CEACAM19: variants seen among roughly 807,000 people sequenced by gnomAD.
The protein encoded by CEACAM19 is CEA cell adhesion molecule 19, also known as cell adhesion molecule CEACAM19.
A neutral mutation model predicts 37.6 loss-of-function variants in CEACAM19; 37 were observed. The ratio of observed to expected loss-of-function variants is 0.98; its 90% CI spans 0.76 to 1.29. CEACAM19 has a LOEUF of 1.29. CEACAM19 is among the 50% of genes most tolerant of loss of function. CEACAM19 has a pLI of 0.00. For synonymous variants in CEACAM19, 140 were observed against 149.8 expected (o/e 0.93, Z 0.48); for missense variants, 340 against 375.6 (o/e 0.91, Z 0.78).
chr19:44,668,716 A>ATATT (rs1458092892), upstream of CEACAM19, among the ~76,000 whole-genome samples: 1 of 69,702 alleles, frequency 1.4e-5, no homozygotes, highest in Non-Finnish European at 2.6e-5. Context: ...TATATATTAT[A>ATATT]ATATGTATAT....
chr19:44,683,460 C>A lies in CEACAM19; in HGVS notation c.870C>A (p.Ala290=). 1 of 1,566,006 alleles carries A rather than the reference C, an allele frequency of 6.4e-7. No homozygotes were observed. The highest frequency in any genetic ancestry group is 8.7e-7 in the Non-Finnish European group (1 of 1,153,364). ...QYQDLLNPDP[A]PYCQLVPTS ...AGGACCTGCTAAACCCCGACCCTGC[C>A]CCCTACTGCCAGCTGGTGCCAACTT... The change falls in exon 8 of 8, where the codon GCC becomes GCA. Residue 290 remains alanine, a synonymous_variant. Coordinates refer to ENST00000358777, the MANE Select transcript of CEACAM19 (RefSeq NM_001127893.3).
chr19:44,683,761 C>A lies in CEACAM19; in HGVS notation c.*271C>A. 1 of 372,758 alleles carries A rather than the reference C, an allele frequency of 2.7e-6. No individual in the cohort carries two copies. The highest frequency in any genetic ancestry group is 4.8e-6 in the Non-Finnish European group (1 of 209,342). 23.1% of individuals were successfully genotyped at this position (372,758 alleles called of 1,614,324 possible). On this transcript the variant is annotated 3_prime_UTR_variant, in exon 8 of 8. Transcript: ENST00000358777. ...GCCTGGGCCATGTGCCTGTGAAAGGCAGGCTCTGGCCCCTTTCCATGCCAA... is the reference window on the plus strand; with the variant it reads ...GCCTGGGCCATGTGCCTGTGAAAGGAAGGCTCTGGCCCCTTTCCATGCCAA...
At chr19:44,683,325 C>T (rs1410918998) in intron 7 of CEACAM19, 112 bp from the exon 8 acceptor site, 1 of 519,268 alleles carries the variant, frequency 1.9e-6, no homozygotes, top group African/African-American at 2.0e-5. Context: ...TCCATTCTCT[C>T]TGCGGGTTTC....
chr19:44,668,782 A>T (rs1218915366), upstream of CEACAM19, among the ~76,000 whole-genome samples: 1 of 113,092 alleles, frequency 8.8e-6, no homozygotes, highest in Non-Finnish European at 1.6e-5. Flanking sequence ...ATATATAATT[A>T]TATATAATAT....
chr19:44,672,743 G>A lies in CEACAM19; in HGVS notation c.203G>A (p.Gly68Glu). 6.3e-7 allele frequency: 1 copy of A among 1,584,328 alleles called. No individual in the cohort carries two copies. Among genetic ancestry groups the A allele is most frequent in the Non-Finnish European group, 8.6e-7 (1 of 1,163,752 alleles). Residue 68 changes from glycine to glutamate, a missense_variant, in exon 2 of 8, where the codon GGG becomes GAG. Gly to Glu is a moderately conservative substitution (Grantham distance 98). Coordinates refer to ENST00000358777, the MANE Select transcript of CEACAM19 (RefSeq NM_001127893.3). ...TTCCAGGACTTCAACTGGTACCTGG[G>A]GGAGGAGACGTACGGAGGCACGAGG... ...DTFQDFNWYL[G>E]EETYGGTRLF...
At chr19:44,674,239 C>CAA (rs1196127410) in intron 2 of CEACAM19, among the ~76,000 whole-genome samples, 1 of 127,358 alleles carries the variant, frequency 7.9e-6, no homozygotes, top group African/African-American at 2.9e-5. Context: ...GACTCCATCT[C>CAA]AAAAAAAAAA....
upstream of CEACAM19, among the ~76,000 whole-genome samples, chr19:44,667,767 ATT>A (rs1426988283): frequency 1.4e-5 from 1 of 73,858 alleles, no homozygotes; most frequent in African/African-American, 5.7e-5. Context: ...AATTATATAT[ATT>A]TATATATAAT....
chr19:44,673,110 C>G (rs1292052611), intron 2 of CEACAM19, 146 bp downstream of exon 2: 1 of 573,336 alleles, frequency 1.7e-6, no homozygotes, highest in African/African-American at 1.9e-5. Flanking sequence ...GTACCAATCC[C>G]CAGAGATAGT....
intron 1 of CEACAM19, 54 bp downstream of exon 1, chr19:44,672,040 G>A: frequency 7.0e-7 from 1 of 1,436,862 alleles, no homozygotes; most frequent in South Asian, 1.2e-5. Context: ...ACTCAGCCCA[G>A]AGATTGAAGT....
At chr19:44,669,351 T>G (rs1206308266), upstream of CEACAM19, among the ~76,000 whole-genome samples, 2 of 152,066 alleles carry the variant, frequency 1.3e-5, no homozygotes, top group Non-Finnish European at 2.9e-5. Context: ...CTCCAATTCC[T>G]AGGCTCAAGC....
At chr19:44,680,507 C>A (rs1001462230) in intron 5 of CEACAM19, among the ~76,000 whole-genome samples, 173 bp downstream of exon 5, 6 of 151,834 alleles carry the variant, frequency 4.0e-5, no homozygotes, top group African/African-American at 1.5e-4. Context: ...GCATCGGCAC[C>A]CACCCCAAAC....
upstream of CEACAM19, among the ~76,000 whole-genome samples, chr19:44,668,624 AATT>A (rs1356654725): frequency 5.8e-5 from 5 of 86,264 alleles, no homozygotes; most frequent in Non-Finnish European, 6.0e-5. Flanking sequence ...ATAATTATAT[AATT>A]ATATACACAT....
rs371771564 is a variant in CEACAM19 at position 44,680,267 on chromosome 19, A to G, written c.660-21A>G. 6.6e-5 allele frequency: 106 copies of G among 1,601,374 alleles called. No homozygotes were observed. In the African/African-American group the frequency reaches 1.3e-3, roughly 20 times the overall value. ...TGAGTGTCTCTCTATCCTAATATCA[A>G]TTCCCTCTATGTGTCCCCAGGATGG... On this transcript the variant is annotated intron_variant, in intron 4 of 7. Coordinates refer to ENST00000358777, the MANE Select transcript of CEACAM19 (RefSeq NM_001127893.3).
At chr19:44,669,229 C>T (rs1223938268), upstream of CEACAM19, among the ~76,000 whole-genome samples, 1 of 152,104 alleles carries the variant, frequency 6.6e-6, no homozygotes, top group East Asian at 1.9e-4. Flanking sequence ...AACAATCCTC[C>T]TGCCTCAGCC....
In CEACAM19 at chr19:44,683,759, G is replaced by T; in HGVS notation, c.*269G>T. On this transcript the variant is annotated 3_prime_UTR_variant, in exon 8 of 8. Coordinates refer to ENST00000358777, the MANE Select transcript of CEACAM19 (RefSeq NM_001127893.3). ...TGGCCTGGGCCATGTGCCTGTGAAA[G>T]GCAGGCTCTGGCCCCTTTCCATGCC... 1 of 373,416 alleles carries T rather than the reference G, an allele frequency of 2.7e-6. No homozygotes were observed. The highest frequency in any genetic ancestry group is 6.9e-4 in the Middle Eastern group (1 of 1,452). The allele number at this position is 373,416 out of a possible 1,614,324, so 23.1% of individuals were successfully genotyped here. A position where few individuals can be genotyped will look rare whatever the true frequency, so the allele number is the denominator to read the frequency against.
intron 5 of CEACAM19, 117 bp downstream of exon 5, chr19:44,680,451 C>T (rs1974036335): frequency 2.1e-6 from 2 of 949,032 alleles, no homozygotes; most frequent in East Asian, 4.9e-5. Flanking sequence ...TGCACCTGCC[C>T]CGAGACCTCT....
At chr19:44,679,777 A>C (rs993263275) in intron 4 of CEACAM19, among the ~76,000 whole-genome samples, 1 of 148,730 alleles carries the variant, frequency 6.7e-6, no homozygotes, top group Non-Finnish European at 1.5e-5. Flanking sequence ...AAAATAAAAT[A>C]AAATAAGCCG....
intron 6 of CEACAM19, 46 bp from the exon 7 acceptor site, chr19:44,682,521 G>C: frequency 6.5e-7 from 1 of 1,548,010 alleles, no homozygotes; most frequent in Admixed American, 1.9e-5. Flanking sequence ...AAGTTTAGAG[G>C]GTGGGGGGTG....
At chr19:44,670,827 G>A (rs1973844067), upstream of CEACAM19, among the ~76,000 whole-genome samples, 1 of 148,164 alleles carries the variant, frequency 6.7e-6, no homozygotes, top group Non-Finnish European at 1.5e-5. Flanking sequence ...TGAGCGCGGT[G>A]GCTCACACCT....
Sources: gnomAD v4.1 joint callset for allele counts (sites outside exome capture counted in the v4.1 genomes callset) on GRCh38, gnomAD v4.1.1 for gene constraint, MANE v1.5 for transcripts, NCBI Gene and HGNC (gene_info 2026-07-23, HGNC 2026-07-21) for gene names.